Variants in PLEKHM2 observed in about 807,000 individuals in gnomAD.
PLEKHM2 encodes the protein pleckstrin homology and RUN domain containing M2.
A neutral mutation model predicts 116.3 loss-of-function variants in PLEKHM2; 77 were observed. The observed-to-expected ratio is 0.66, with a 90% confidence interval of 0.55 to 0.80. The LOEUF is 0.80. Among genes scored for constraint, PLEKHM2 ranks in the 30% least tolerant of loss-of-function variants. The pLI is 0.00. For synonymous variants in PLEKHM2, 562 were observed against 571.0 expected (o/e 0.98, Z 0.22); for missense variants, 1,183 against 1,354.9 (o/e 0.87, Z 1.99).
chr1:15,710,193 C>T (rs1641303699), intron 1 of PLEKHM2, among the ~76,000 whole-genome samples: 1 of 146,182 alleles, frequency 6.8e-6, no homozygotes, highest in Admixed American at 6.8e-5. Context: ...CGCCACTGCC[C>T]TCCAGCCTGG....
At chr1:15,695,523 G>A (rs1477691195) in intron 1 of PLEKHM2, among the ~76,000 whole-genome samples, 1 of 152,048 alleles carries the variant, frequency 6.6e-6, no homozygotes, top group African/African-American at 2.4e-5. Flanking sequence ...GGTTTTTTGG[G>A]GTTTTTTTGG....
At chr1:15,711,565 C>G (rs915754560) in intron 1 of PLEKHM2, among the ~76,000 whole-genome samples, 1 of 150,158 alleles carries the variant, frequency 6.7e-6, no homozygotes. Context: ...TACAGTGAGC[C>G]GAGACTGTGC....
At chr1:15,716,449 T>C (rs1641448320) in intron 2 of PLEKHM2, 106 bp downstream of exon 2, 1 of 753,016 alleles carries the variant, frequency 1.3e-6, no homozygotes, top group South Asian at 1.7e-5. Flanking sequence ...TCTCTCCCCT[T>C]GGCAGAAAGG....
intron 1 of PLEKHM2, among the ~76,000 whole-genome samples, chr1:15,694,738 T>C (rs1182838061): frequency 6.6e-6 from 1 of 151,490 alleles, no homozygotes; most frequent in Admixed American, 6.6e-5. Context: ...TTCTCCTCCA[T>C]GCTGTGTATT....
chr1:15,691,515 G>A (rs1640887648), intron 1 of PLEKHM2, among the ~76,000 whole-genome samples: 1 of 152,212 alleles, frequency 6.6e-6, no homozygotes, highest in South Asian at 2.1e-4. Context: ...CTCAGTTCCT[G>A]GGTCCTGACA....
chr1:15,719,045 C>G lies in PLEKHM2; in HGVS notation c.465+420C>G, dbSNP rs957680208. Among the ~76,000 whole-genome samples, 1 of 152,154 alleles carries G rather than the reference C, an allele frequency of 6.6e-6. No homozygotes were observed. Among genetic ancestry groups the G allele is most frequent in the Admixed American group, 6.5e-5 (1 of 15,272 alleles). On this transcript the variant is annotated intron_variant, in intron 5 of 19. Transcript: ENST00000375799. The surrounding 1 kb of genome is among the most constrained non-coding windows in gnomAD (Gnocchi z 4.1). ...CCTCTTCAAGTTCTCAAGTTTCTCTCCCCATCACACCCTGTACAAATGGGA... is the reference window on the plus strand; with the variant it reads ...CCTCTTCAAGTTCTCAAGTTTCTCTGCCCATCACACCCTGTACAAATGGGA...
In PLEKHM2 at chr1:15,725,513, G is replaced by T. The variant is rs753956705; in HGVS notation, c.909G>T (p.Pro303=). Residue 303 remains proline, a synonymous_variant, in exon 8 of 20, where the codon CCG becomes CCT. Transcript: ENST00000375799. The part of the protein sequence containing the change: ...QEKEEAQALD[P]PDACTELEVI... ...AGGAGGAGGCCCAGGCCCTGGACCC[G>T]CCGGATGCCTGCACGGAGCTCGAGG... 6 of 1,574,718 alleles carry T rather than the reference G, an allele frequency of 3.8e-6. No homozygotes were observed. The highest frequency in any genetic ancestry group is 1.2e-5 in the South Asian group (1 of 85,492).
chr1:15,713,107 T>C (rs1641369050), intron 1 of PLEKHM2, among the ~76,000 whole-genome samples: 1 of 151,862 alleles, frequency 6.6e-6, no homozygotes, highest in Admixed American at 6.6e-5. Context: ...GGCTAATTTT[T>C]AATTTTTTGT....
chr1:15,717,403 C>T (rs71631745), intron 3 of PLEKHM2, among the ~76,000 whole-genome samples: 29,742 of 152,030 alleles, frequency 0.2, 3,087 homozygotes, highest in Middle Eastern at 0.25. Flanking sequence ...GACAGAGTCT[C>T]TGTCTCAAAA....
At position 15,714,228 on chromosome 1, in the gene PLEKHM2, C is replaced by T. The variant is rs141279479; in HGVS notation, c.61-2009C>T. ...GTGCTGGGATTACAGGTGTGAGCCA[C>T]CACACCCGGCCCTGTTTTGGTTTTT... On this transcript the variant is annotated intron_variant, in intron 1 of 19. Coordinates refer to ENST00000375799, the MANE Select transcript of PLEKHM2 (RefSeq NM_015164.4). 2.0e-5 allele frequency among the ~76,000 whole-genome samples: 3 copies of T among 152,100 alleles called. No individual in the cohort carries two copies. In the East Asian group the frequency reaches 5.8e-4, roughly 29 times the overall value.
chr1:15,727,692 T>C lies in PLEKHM2; in HGVS notation c.1620T>C (p.Ser540=). Residue 540 remains serine, a synonymous_variant, in exon 9 of 20, where the codon TCT becomes TCC. Coordinates refer to ENST00000375799, the MANE Select transcript of PLEKHM2 (RefSeq NM_015164.4). The surrounding 1 kb of genome is among the most constrained non-coding windows in gnomAD (Gnocchi z 7.5). The part of the protein sequence containing the change: ...QLSLVREGPV[S]EPEPGTQEVL... ...CCCTGGTCAGGGAGGGGCCTGTGTC[T>C]GAGCCAGAGCCTGGGACCCAGGAGG... 6.3e-7 allele frequency: 1 copy of C among 1,594,598 alleles called. No individual in the cohort carries two copies. The highest frequency in any genetic ancestry group is 1.1e-5 in the South Asian group (1 of 87,920).
intron 1 of PLEKHM2, among the ~76,000 whole-genome samples, chr1:15,689,590 C>G (rs1640847327): frequency 1.3e-5 from 2 of 152,202 alleles, no homozygotes; most frequent in Admixed American, 1.3e-4. Context: ...GAACCTTCTA[C>G]TAATGCTATA....
At chr1:15,695,573 G>A (rs1013960939) in intron 1 of PLEKHM2, among the ~76,000 whole-genome samples, 3 of 152,028 alleles carry the variant, frequency 2.0e-5, no homozygotes, top group Non-Finnish European at 4.4e-5. Flanking sequence ...GGACAGTGGC[G>A]CCATCTTAGC....
At chr1:15,716,684 C>T (rs1406156164) in intron 2 of PLEKHM2, 23 bp from the exon 3 acceptor site, 2 of 1,554,048 alleles carry the variant, frequency 1.3e-6, no homozygotes, top group Admixed American at 3.9e-5. Flanking sequence ...CAGGTCACAG[C>T]AGCTCCTGTC....
chr1:15,688,117 C>T (rs945766263), intron 1 of PLEKHM2, among the ~76,000 whole-genome samples: 2 of 152,176 alleles, frequency 1.3e-5, no homozygotes, highest in African/African-American at 2.4e-5. Flanking sequence ...TCCCAGAGGG[C>T]CCCTCGTTCC....
chr1:15,689,258 A>G (rs547943975), intron 1 of PLEKHM2, among the ~76,000 whole-genome samples: 5 of 151,628 alleles, frequency 3.3e-5, no homozygotes, highest in East Asian at 1.9e-4. Flanking sequence ...AAAAAAAAAA[A>G]AAAGAAAGAA....
intron 1 of PLEKHM2, among the ~76,000 whole-genome samples, chr1:15,691,941 T>C (rs1367749700): frequency 6.6e-6 from 1 of 151,946 alleles, no homozygotes; most frequent in Non-Finnish European, 1.5e-5. Flanking sequence ...AGACCCTGTG[T>C]CTTCAAAAAT....
In PLEKHM2 at chr1:15,729,576, A is replaced by C. The variant is rs139783172; in HGVS notation, c.2076-221A>C. 1.1e-4 allele frequency among the ~76,000 whole-genome samples: 16 copies of C among 152,276 alleles called. No individual in the cohort carries two copies. The East Asian group carries it at 2.7e-3, about 26-fold the overall frequency. ...TGTCTTCCCTCACTGTCAAAATCCAAGGCCCCTTGGCCATTGAGAACGATC... is the reference window on the plus strand; with the variant it reads ...TGTCTTCCCTCACTGTCAAAATCCACGGCCCCTTGGCCATTGAGAACGATC... On this transcript the variant is annotated intron_variant, in intron 13 of 19. Coordinates refer to ENST00000375799, the MANE Select transcript of PLEKHM2 (RefSeq NM_015164.4). This position sits in a 1 kb window ranked among gnomAD's most constrained non-coding sequence, Gnocchi z 4.7.
At chr1:15,683,614 T>G (rs1571009059), upstream of PLEKHM2, among the ~76,000 whole-genome samples, 1 of 100,952 alleles carries the variant, frequency 9.9e-6, no homozygotes, top group East Asian at 3.1e-4. Flanking sequence ...AGGAGGGCTG[T>G]GGGGAGGGTC....
Sources: allele counts gnomAD v4.1 joint callset (sites outside exome capture counted in the v4.1 genomes callset), GRCh38; gene constraint gnomAD v4.1.1; non-coding constraint Gnocchi (gnomAD v3.1); transcripts MANE v1.5; gene names NCBI Gene and HGNC (gene_info 2026-07-23, HGNC 2026-07-21).